Variants in SLC33A2 observed in about 807,000 individuals in gnomAD.
The protein encoded by SLC33A2 is solute carrier family 33 member 2.
At chr8:144,510,492 T>C in the SLC33A2 span, 1 of 1,612,662 alleles carries the variant, frequency 6.2e-7, no homozygotes, top group Non-Finnish European at 8.5e-7. Flanking sequence ...GGTGGGACCT[T>C]GCTGGCCAAG....
At chr8:144,509,443 T>C in the SLC33A2 span, 1 of 1,533,468 alleles carries the variant, frequency 6.5e-7, no homozygotes. Flanking sequence ...GGCCTCTCGC[T>C]GACGCGCGTG....
the SLC33A2 span, chr8:144,509,212 G>A: frequency 5.8e-6 from 6 of 1,032,034 alleles, no homozygotes; most frequent in South Asian, 1.1e-4. Context: ...CGCTGACTCT[G>A]CCCGGTCCCA....
chr8:144,510,276 G>GC, the SLC33A2 span: 8 of 1,573,792 alleles, frequency 5.1e-6, no homozygotes, highest in Non-Finnish European at 6.9e-6. Flanking sequence ...GGAGAGCAGG[G>GC]CAGGACTGAG....
the SLC33A2 span, chr8:144,509,292 C>G: frequency 3.0e-5 from 43 of 1,425,308 alleles, no homozygotes; most frequent in African/African-American, 5.7e-4. Context: ...GGGACCCCAC[C>G]TGGAACCCGA....
chr8:144,510,485 G>A, the SLC33A2 span: 2 of 1,612,730 alleles, frequency 1.2e-6, no homozygotes, highest in Non-Finnish European at 1.7e-6. Context: ...CTCCCTGGGT[G>A]GGACCTTGCT....
the SLC33A2 span, chr8:144,510,650 G>C: frequency 6.4e-7 from 1 of 1,561,318 alleles, no homozygotes; most frequent in Non-Finnish European, 8.7e-7. Context: ...CGGGGGCCTA[G>C]CCTGTCAGAC....
chr8:144,510,308 G>A, the SLC33A2 span: 1 of 1,602,632 alleles, frequency 6.2e-7, no homozygotes, highest in Non-Finnish European at 8.5e-7. Context: ...GGAGAAGGGA[G>A]GTGGGGGCAG....
chr8:144,510,289 C>T, the SLC33A2 span: 2 of 1,588,564 alleles, frequency 1.3e-6, no homozygotes. Context: ...GGACTGAGGG[C>T]CCAGGTGGGG....
At chr8:144,510,451 T>C in the SLC33A2 span, 4 of 1,612,940 alleles carry the variant, frequency 2.5e-6, no homozygotes, top group Admixed American at 3.3e-5. Context: ...GTGTGGGTGC[T>C]GTGGTCTGCT....
the SLC33A2 span, chr8:144,510,992 C>T: frequency 1.2e-6 from 2 of 1,600,460 alleles, no homozygotes; most frequent in South Asian, 1.1e-5. Context: ...CCCCCTCAGG[C>T]CACACACTAC....
chr8:144,509,903 C>T, the SLC33A2 span: 2 of 1,553,550 alleles, frequency 1.3e-6, no homozygotes, highest in Non-Finnish European at 1.7e-6. Flanking sequence ...TGCGGCGGCT[C>T]CCACAGCAGC....
chr8:144,511,091 G>A, the SLC33A2 span: 24 of 1,609,506 alleles, frequency 1.5e-5, no homozygotes, highest in Non-Finnish European at 1.6e-5. Context: ...CCACATCCCT[G>A]CTTCTTGCTC....
At chr8:144,510,029 C>G in the SLC33A2 span, 2 of 1,587,550 alleles carry the variant, frequency 1.3e-6, no homozygotes, top group Non-Finnish European at 1.7e-6. Flanking sequence ...AGTGAGGCCT[C>G]GAGCCAGGCA....
chr8:144,511,200 G>C, the SLC33A2 span: 1 of 1,594,662 alleles, frequency 6.3e-7, no homozygotes, highest in Non-Finnish European at 8.5e-7. Flanking sequence ...AGCCACATGT[G>C]CCTGTGGCCC....
chr8:144,510,605 C>A, the SLC33A2 span: 1 of 1,583,608 alleles, frequency 6.3e-7, no homozygotes, highest in Non-Finnish European at 8.6e-7. Flanking sequence ...CAGGAAACTG[C>A]TGCCTCTGTT....
the SLC33A2 span, chr8:144,510,382 GT>G: frequency 6.2e-7 from 1 of 1,612,566 alleles, no homozygotes; most frequent in East Asian, 2.2e-5. Context: ...CCAGCAGCCT[GT>G]TTCCTCTTCT....
At chr8:144,510,400 G>A in the SLC33A2 span, 1 of 1,612,748 alleles carries the variant, frequency 6.2e-7, no homozygotes, top group African/African-American at 1.3e-5. Context: ...TTCTCCTGCT[G>A]GACCACGGCG....
the SLC33A2 span, chr8:144,510,287 G>T: frequency 2.5e-6 from 4 of 1,587,568 alleles, no homozygotes; most frequent in Non-Finnish European, 3.4e-6. Context: ...CAGGACTGAG[G>T]GCCCAGGTGG....
the SLC33A2 span, chr8:144,509,937 A>C: frequency 6.9e-6 from 11 of 1,588,798 alleles, no homozygotes; most frequent in South Asian, 1.0e-4. Context: ...GCGTCCCCAC[A>C]CCGCGCACCT....
Sources: allele counts gnomAD v4.1 joint callset, GRCh38; gene constraint gnomAD v4.1.1; transcripts MANE v1.5; gene names NCBI Gene and HGNC (gene_info 2026-07-23, HGNC 2026-07-21).